SLC10A2: variants seen among roughly 807,000 people sequenced by gnomAD.
The protein encoded by SLC10A2 is ileal sodium/bile acid cotransporter.
SLC10A2 carries 34 observed loss-of-function variants against 27.1 expected under a neutral mutation model. The ratio of observed to expected loss-of-function variants is 1.26; its 90% CI spans 0.96 to 1.67. The LOEUF is 1.67. Ranked by LOEUF, SLC10A2 falls within the 40% of genes most tolerant of loss-of-function variation. The pLI, the probability that SLC10A2 is intolerant of heterozygous loss-of-function variation, is 0.00. For missense variants in SLC10A2, 530 were observed against 444.4 expected (o/e 1.19, Z -1.73); for synonymous variants, 205 against 174.0 (o/e 1.18, Z -1.40).
At chr13:103,061,613 C>T (rs1003041279) in intron 1 of SLC10A2, among the ~76,000 whole-genome samples, 4 of 151,840 alleles carry the variant, frequency 2.6e-5, no homozygotes, top group African/African-American at 9.7e-5. Flanking sequence ...ATTGCTAAGA[C>T]AATCTATGAC....
chr13:103,050,075 T>C (rs1875729780), intron 4 of SLC10A2, among the ~76,000 whole-genome samples: 1 of 152,130 alleles, frequency 6.6e-6, no homozygotes, highest in Admixed American at 6.5e-5. Context: ...GGAGGATCAC[T>C]TGAGCCAAGG....
chr13:103,059,971 T>A (rs896279002), intron 1 of SLC10A2, among the ~76,000 whole-genome samples: 1 of 152,208 alleles, frequency 6.6e-6, no homozygotes, highest in Non-Finnish European at 1.5e-5. Context: ...GGCAAATGTG[T>A]GTTCAGAAGA....
At position 103,066,191 on chromosome 13, in the gene SLC10A2, A is replaced by G. The variant is rs1876272890; in HGVS notation, c.59T>C (p.Val20Ala). 6.2e-7 allele frequency: 1 copy of G among 1,614,224 alleles called. No homozygotes were observed. Among genetic ancestry groups the G allele is most frequent in the Non-Finnish European group, 8.5e-7 (1 of 1,180,028 alleles). The change falls in exon 1 of 6, where the codon GTG (valine) becomes GCG (alanine). Residue 20 changes from valine (V) to alanine (A), a missense_variant. Coordinates refer to ENST00000245312, the MANE Select transcript of SLC10A2 (RefSeq NM_000452.3). ...GTTATTGAAATTGCTCTCAGGTACC[A>G]CACAGGATGCACCAGAGCAAACTGT... ...NATVCSGASC[V>A]VPESNFNNIL... is the part of the protein sequence containing the mutation.
chr13:103,055,438 A>G (rs1234391707), intron 2 of SLC10A2, among the ~76,000 whole-genome samples: 2 of 152,232 alleles, frequency 1.3e-5, no homozygotes, highest in African/African-American at 2.4e-5. Flanking sequence ...AGAGCTGTGT[A>G]GAGAATAGAC....
intron 4 of SLC10A2, 69 bp downstream of exon 4, chr13:103,051,188 A>G (rs1202519487): frequency 4.7e-6 from 7 of 1,503,216 alleles, no homozygotes; most frequent in Non-Finnish European, 6.5e-6. Context: ...GTCTTATGGC[A>G]CCTCTAGCAA....
Position 103,058,363 on chromosome 13 carries a change from A to T in SLC10A2, c.397T>A (p.Ser133Thr). 6.2e-7 allele frequency: 1 copy of T among 1,613,392 alleles called. No individual in the cohort carries two copies. The highest frequency in any genetic ancestry group is 1.1e-5 in the South Asian group (1 of 91,080). Residue 133 changes from serine (S) to threonine (T), a missense_variant, in exon 2 of 6, where the codon TCC becomes ACC. Coordinates refer to ENST00000245312, the MANE Select transcript of SLC10A2 (RefSeq NM_000452.3). ...MDLSVSMTTC[S>T]TLLALGMMPL... ...ATCATTCCGAGGGCAAGCAGTGTGG[A>T]GCATGTGGTCATGCTGACGCTGAAA...
intron 2 of SLC10A2, among the ~76,000 whole-genome samples, chr13:103,053,258 T>C (rs1422727808): frequency 6.6e-6 from 1 of 152,184 alleles, no homozygotes. Flanking sequence ...TATTCTGACA[T>C]CTGACTTTTG....
At chr13:103,054,394 T>C (rs926431082) in intron 2 of SLC10A2, among the ~76,000 whole-genome samples, 5 of 152,172 alleles carry the variant, frequency 3.3e-5, no homozygotes, top group African/African-American at 9.7e-5. Context: ...AGAGAACAGA[T>C]GAATACAAGA....
rs1875539832 is a variant in SLC10A2 at position 103,044,170 on chromosome 13, A to G, written c.*1963T>C. Reference sequence around the variant, plus strand: ...TTCTTCCCACTAGCAAATTAGGGAAAAAGACTCAAGTCACAAGTTACCGCA... The same window carrying G: ...TTCTTCCCACTAGCAAATTAGGGAAGAAGACTCAAGTCACAAGTTACCGCA... On this transcript the variant is annotated 3_prime_UTR_variant, in exon 6 of 6. Transcript: ENST00000245312. 1 of 152,204 alleles carries G rather than the reference A, an allele frequency of 6.6e-6. No individual in the cohort carries two copies. The highest frequency in any genetic ancestry group is 1.5e-5 in the Non-Finnish European group (1 of 68,034). 9.4% of individuals were successfully genotyped at this position (152,204 alleles called of 1,614,324 possible).
chr13:103,052,114 TG>T (rs1261978498), intron 3 of SLC10A2, among the ~76,000 whole-genome samples: 1 of 152,242 alleles, frequency 6.6e-6, no homozygotes, highest in African/African-American at 2.4e-5. Context: ...TGAATGGGAT[TG>T]CCAGGCAATG....
chr13:103,046,695 C>T (rs1875619996), intron 5 of SLC10A2, among the ~76,000 whole-genome samples: 1 of 152,208 alleles, frequency 6.6e-6, no homozygotes, highest in African/African-American at 2.4e-5. Flanking sequence ...TTCCCATTCC[C>T]TCCCTGCCTT....
At position 103,066,378 on chromosome 13, in the gene SLC10A2, T is replaced by G; in HGVS notation, c.-129A>C. On this transcript the variant is annotated 5_prime_UTR_variant, in exon 1 of 6. Coordinates refer to ENST00000245312, the MANE Select transcript of SLC10A2 (RefSeq NM_000452.3). ...AACTTTTAAACCCCTCCTAAAAATATGTCACTTGGTGTCTCTTTTGAAAGC... is the reference window on the plus strand; with the variant it reads ...AACTTTTAAACCCCTCCTAAAAATAGGTCACTTGGTGTCTCTTTTGAAAGC... 1.1e-6 allele frequency: 1 copy of G among 945,182 alleles called. No homozygotes were observed. Among genetic ancestry groups the G allele is most frequent in the African/African-American group, 1.6e-5 (1 of 61,222 alleles). The allele number at this position is 945,182 out of a possible 1,614,324, so 58.5% of individuals were successfully genotyped here.
chr13:103,058,385 G>A lies in SLC10A2; in HGVS notation c.378-3C>T, dbSNP rs1187495200. The A allele has an allele frequency of 6.4e-7, 1 of 1,570,182 alleles. No individual in the cohort carries two copies. The highest frequency in any genetic ancestry group is 8.8e-7 in the Non-Finnish European group (1 of 1,140,248). On this transcript the variant is annotated splice_region_variant and splice_polypyrimidine_tract_variant and intron_variant, in intron 1 of 5. Coordinates refer to ENST00000245312, the MANE Select transcript of SLC10A2 (RefSeq NM_000452.3). Reference sequence around the variant, plus strand: ...TGGAGCATGTGGTCATGCTGACGCTGAAAGGCAATGGGCAGATTGATACAT... The same window carrying A: ...TGGAGCATGTGGTCATGCTGACGCTAAAAGGCAATGGGCAGATTGATACAT...
At chr13:103,047,055 G>T (rs1379430206) in intron 5 of SLC10A2, among the ~76,000 whole-genome samples, 1 of 152,134 alleles carries the variant, frequency 6.6e-6, no homozygotes, top group African/African-American at 2.4e-5. Flanking sequence ...AAGGCAAGAG[G>T]AGGACAGAAA....
In SLC10A2 at chr13:103,052,681, G is replaced by A; in HGVS notation, c.524C>T (p.Pro175Leu). The A allele has an allele frequency of 6.2e-7, 1 of 1,611,838 alleles. No homozygotes were observed. Among genetic ancestry groups the A allele is most frequent in the Middle Eastern group, 1.7e-4 (1 of 6,060 alleles). Reference sequence around the variant, plus strand: ...ATTAACAAACATTCCAATGGAAACAGGAACAACGAGAGAAACCAGAGATGT... The same window carrying A: ...ATTAACAAACATTCCAATGGAAACAAGAACAACGAGAGAAACCAGAGATGT... ...IGTSLVSLVVPVSIGMFVNHK... is the reference protein window; with the variant it reads ...IGTSLVSLVVLVSIGMFVNHK... Residue 175 changes from proline (P) to leucine (L), a missense_variant, in exon 3 of 6, where the codon CCT becomes CTT. Coordinates refer to ENST00000245312, the MANE Select transcript of SLC10A2 (RefSeq NM_000452.3).
At position 103,062,439 on chromosome 13, in the gene SLC10A2, A is replaced by T. The variant is rs117174631; in HGVS notation, c.377+3434T>A. Reference sequence around the variant, plus strand: ...ATTCTTGGGAGGATGAAATATACCAACTTATTTTGAGTACTTAGCACTGTG... The same window carrying T: ...ATTCTTGGGAGGATGAAATATACCATCTTATTTTGAGTACTTAGCACTGTG... On this transcript the variant is annotated intron_variant, in intron 1 of 5. Coordinates refer to ENST00000245312, the MANE Select transcript of SLC10A2 (RefSeq NM_000452.3). Among the ~76,000 whole-genome samples the T allele has an allele frequency of 6.1e-3, 928 of 152,370 alleles. 4 individuals are homozygous for T. The highest frequency in any genetic ancestry group is 0.02 in the Middle Eastern group (6 of 294).
rs201634783 is a variant in SLC10A2 at position 103,065,893 on chromosome 13, G to A, written c.357C>T (p.Val119=). The A allele has an allele frequency of 3.7e-5, 59 of 1,613,910 alleles. No individual in the cohort carries two copies. Among genetic ancestry groups the A allele is most frequent in the Non-Finnish European group, 4.6e-5 (54 of 1,180,020 alleles). ...CTTACCTCAGGTCCATGTCGCCATC[G>A]ACCCAATAGGCCAAGATATTGGAGG... ...GTASNILAYW[V]DGDMDLSVSM... Residue 119 remains valine, a synonymous_variant, in exon 1 of 6, where the codon GTC becomes GTT. Coordinates refer to ENST00000245312, the MANE Select transcript of SLC10A2 (RefSeq NM_000452.3).
rs887200351 is a variant in SLC10A2 at position 103,051,408 on chromosome 13, G to A, written c.610C>T (p.Leu204Phe). 13 of 1,613,884 alleles carry A rather than the reference G, an allele frequency of 8.1e-6. No homozygotes were observed. In the South Asian group the frequency reaches 1.3e-4, roughly 16 times the overall value. The change falls in exon 4 of 6, where the codon CTC becomes TTC. Residue 204 changes from leucine to phenylalanine, a missense_variant. Leu to Phe is a conservative substitution (Grantham distance 22). Transcript: ENST00000245312. ...LKIGSIAGAI[L>F]IVLIAVVGGI... ...CCAACCACAGCTATGAGCACAATGA[G>A]GATGGCGCCCGCGATGGACCCAATC... is the stretch of plus-strand genomic sequence containing the variant.
chr13:103,065,731 G>T, intron 1 of SLC10A2, 142 bp downstream of exon 1: 2 of 910,314 alleles, frequency 2.2e-6, no homozygotes, highest in Non-Finnish European at 1.8e-6. Context: ...AGAAGGCACG[G>T]GAATGCATTT....
Sources: gnomAD v4.1 joint callset for allele counts (sites outside exome capture counted in the v4.1 genomes callset) on GRCh38, gnomAD v4.1.1 for gene constraint, MANE v1.5 for transcripts, NCBI Gene and HGNC (gene_info 2026-07-23, HGNC 2026-07-21) for gene names.